Variants in SLC22A23 observed in about 807,000 individuals in gnomAD.
The protein encoded by SLC22A23 is ion transporter protein.
In SLC22A23, 26 loss-of-function variants were observed where a neutral mutation model predicts 61.0. That is an observed-to-expected ratio of 0.43 (90% CI 0.31 to 0.59). The LOEUF (loss-of-function observed/expected upper bound fraction) is 0.59. Among genes scored for constraint, SLC22A23 ranks in the 20% least tolerant of loss-of-function variants. SLC22A23 has a pLI of 0.11. For synonymous variants in SLC22A23, 430 were observed against 413.9 expected (o/e 1.04, Z -0.47); for missense variants, 796 against 934.7 (o/e 0.85, Z 1.94).
Position 3,456,247 on chromosome 6 carries a change from T to G in SLC22A23, c.313A>C (p.Ile105Leu), listed in dbSNP as rs1471970071. 1 of 1,551,172 alleles carries G rather than the reference T, an allele frequency of 6.4e-7. No individual in the cohort carries two copies. The highest frequency in any genetic ancestry group is 1.2e-5 in the South Asian group (1 of 84,040). The change falls in exon 1 of 10, where the codon ATC (isoleucine) becomes CTC (leucine). Residue 105 changes from isoleucine (I) to leucine (L), a missense_variant. Coordinates refer to ENST00000406686, the MANE Select transcript of SLC22A23 (RefSeq NM_015482.2). This position sits in a 1 kb window ranked among gnomAD's most constrained non-coding sequence, Gnocchi z 7.1. The part of the protein sequence containing the change: ...YQKTLVLLTW[I>L]PALFIGFSQF... Reference sequence around the variant, plus strand: ...CTGAAGCCGATGAACAGCGCCGGGATCCAGGTGAGCAGCACGAGGGTCTTC... The same window carrying G: ...CTGAAGCCGATGAACAGCGCCGGGAGCCAGGTGAGCAGCACGAGGGTCTTC...
chr6:3,345,271 C>T (rs1025138153), intron 3 of SLC22A23, among the ~76,000 whole-genome samples: 3 of 152,008 alleles, frequency 2.0e-5, no homozygotes, highest in African/African-American at 7.3e-5. Flanking sequence ...TTTATATAGT[C>T]CATCTCCAGT....
rs572251925 is a variant in SLC22A23 at position 3,348,089 on chromosome 6, C to T, written c.914-24087G>A. On this transcript the variant is annotated intron_variant, in intron 3 of 9. Transcript: ENST00000406686. ...TCCCAGCTGTGGGGGACACACTTAT[C>T]TAGTTACCTGCATGCTGTGTGTCTC... 4.4e-3 allele frequency among the ~76,000 whole-genome samples: 667 copies of T among 152,366 alleles called. 6 individuals are homozygous for T. The highest frequency in any genetic ancestry group is 0.015 in the African/African-American group (636 of 41,580).
chr6:3,281,241 C>T (rs549772669), intron 9 of SLC22A23, among the ~76,000 whole-genome samples: 10 of 152,364 alleles, frequency 6.6e-5, no homozygotes, highest in African/African-American at 2.4e-4. Context: ...ACCCAACTCC[C>T]AATGTCTTAC....
At position 3,285,222 on chromosome 6, in the gene SLC22A23, G is replaced by A. The variant is rs1003000542; in HGVS notation, c.1547-111C>T. On this transcript the variant is annotated intron_variant, in intron 7 of 9. Transcript: ENST00000406686. ...GCCTAGCGTGTTCCCATGCGACTTG[G>A]TTCAAGCAAACTCCCTTCCGTGTCT... 4 of 1,464,972 alleles carry A rather than the reference G, an allele frequency of 2.7e-6. No individual in the cohort carries two copies. In the South Asian group the frequency reaches 3.7e-5, roughly 14 times the overall value. The allele number at this position is 1,464,972 out of a possible 1,614,324, so 90.7% of individuals were successfully genotyped here.
At chr6:3,389,970 C>T (rs2127485570) in intron 3 of SLC22A23, among the ~76,000 whole-genome samples, 1 of 152,338 alleles carries the variant, frequency 6.6e-6, no homozygotes, top group South Asian at 2.1e-4. Context: ...AAAAATAAGA[C>T]TCAGCCAGTC....
Position 3,286,905 on chromosome 6 carries a change from C to A in SLC22A23, c.1500G>T (p.Met500Ile), listed in dbSNP as rs1167276186. The change falls in exon 7 of 10, where the codon ATG (methionine) becomes ATT (isoleucine). Residue 500 changes from methionine to isoleucine, a missense_variant. Met to Ile is a conservative substitution (Grantham distance 10). Transcript: ENST00000406686. The surrounding 1 kb of genome is among the most constrained non-coding windows in gnomAD (Gnocchi z 4.2). ...LGRRGGLLLF[M>I]ILTALASLLQ... ...GGAGTGAGGCCAGGGCGGTGAGGATCATGAAGAGCAGCAGCCCTCCCCTGC... is the reference window on the plus strand; with the variant it reads ...GGAGTGAGGCCAGGGCGGTGAGGATAATGAAGAGCAGCAGCCCTCCCCTGC... The A allele has an allele frequency of 1.9e-6, 3 of 1,612,730 alleles. No homozygotes were observed. Among genetic ancestry groups the A allele is most frequent in the African/African-American group, 1.3e-5 (1 of 74,936 alleles).
At chr6:3,306,890 C>G (rs1437230209) in intron 4 of SLC22A23, among the ~76,000 whole-genome samples, 1 of 152,236 alleles carries the variant, frequency 6.6e-6, no homozygotes, top group African/African-American at 2.4e-5. Flanking sequence ...CAGGAAGGAG[C>G]AGGCAGAGGT....
Position 3,442,323 on chromosome 6 carries a change from G to A in SLC22A23, c.654+13583C>T, listed in dbSNP as rs975635573. Among the ~76,000 whole-genome samples the A allele has an allele frequency of 2.8e-4, 43 of 152,174 alleles. 2 individuals carry two copies. On this transcript the variant is annotated intron_variant, in intron 1 of 9. Coordinates refer to ENST00000406686, the MANE Select transcript of SLC22A23 (RefSeq NM_015482.2). ...CAGTTTGGGAAGATGGAATTGTTCTGGAGATGGATGATGGTGCCAGCTGCA... is the reference window on the plus strand; with the variant it reads ...CAGTTTGGGAAGATGGAATTGTTCTAGAGATGGATGATGGTGCCAGCTGCA...
chr6:3,402,318 C>A (rs1193058933), intron 3 of SLC22A23, among the ~76,000 whole-genome samples: 1 of 152,214 alleles, frequency 6.6e-6, no homozygotes. Context: ...CAATTGAGAT[C>A]CTTCAGTGGC....
Position 3,323,617 on chromosome 6 carries a change from T to G in SLC22A23, c.1082+217A>C, listed in dbSNP as rs73354740. 3.2e-3 allele frequency: 1,997 copies of G among 625,382 alleles called. 35 individuals are homozygous for G. In the African/African-American group the frequency reaches 0.034, roughly 11 times the overall value. 38.7% of individuals were successfully genotyped at this position (625,382 alleles called of 1,614,324 possible). ...AGATTTTTGGAGCTGGGTGATGGGC[T>G]CATTCCACTCTTCTATTTTTGTGTA... On this transcript the variant is annotated intron_variant, in intron 4 of 9. Transcript: ENST00000406686.
chr6:3,415,068 G>A (rs4452682), intron 2 of SLC22A23, among the ~76,000 whole-genome samples: 58,971 of 152,006 alleles, frequency 0.39, 11,656 homozygotes, highest in South Asian at 0.57. Flanking sequence ...TCTCCTATTC[G>A]GGGTGTTGTA....
rs1289278357 is a variant in SLC22A23 at position 3,328,973 on chromosome 6, G to C, written c.914-4971C>G. ...CCCGGCCAGCCTGGACCAGGTCCCA[G>C]CCTCACAGGGCACTGCCAAGCTCAA... On this transcript the variant is annotated intron_variant, in intron 3 of 9. Coordinates refer to ENST00000406686, the MANE Select transcript of SLC22A23 (RefSeq NM_015482.2). This position sits in a 1 kb window ranked among gnomAD's most constrained non-coding sequence, Gnocchi z 5.0. 6.6e-6 allele frequency among the ~76,000 whole-genome samples: 1 copy of C among 151,876 alleles called. No homozygotes were observed. Among genetic ancestry groups the C allele is most frequent in the Non-Finnish European group, 1.5e-5 (1 of 67,990 alleles).
chr6:3,284,845 T>C, intron 8 of SLC22A23: 3 of 1,473,498 alleles, frequency 2.0e-6, no homozygotes, highest in Non-Finnish European at 2.8e-6. Flanking sequence ...GGCGGGGGCA[T>C]GCGTGCCAAG....
chr6:3,335,827 C>T (rs934617574), intron 3 of SLC22A23, among the ~76,000 whole-genome samples: 6 of 152,148 alleles, frequency 3.9e-5, no homozygotes, highest in African/African-American at 1.2e-4. Context: ...TGGTGGCTCA[C>T]GCCTGTAATT....
intron 1 of SLC22A23, among the ~76,000 whole-genome samples, chr6:3,438,085 C>T (rs955118348): frequency 2.6e-5 from 4 of 152,182 alleles, no homozygotes; most frequent in African/African-American, 9.7e-5. Context: ...GAGAGTCAGA[C>T]ATGGGCCCCT....
intron 1 of SLC22A23, among the ~76,000 whole-genome samples, chr6:3,446,615 T>C (rs1771908055): frequency 6.6e-6 from 1 of 152,148 alleles, no homozygotes; most frequent in Admixed American, 6.5e-5. Flanking sequence ...GCCTCTGAGC[T>C]TCCAGTAGGA....
chr6:3,275,943 C>T (rs1758858414), intron 9 of SLC22A23, among the ~76,000 whole-genome samples: 1 of 152,240 alleles, frequency 6.6e-6, no homozygotes, highest in South Asian at 2.1e-4. Context: ...CACAGTGGCT[C>T]ATGCCCAAAG....
Position 3,279,086 on chromosome 6 carries a change from G to A in SLC22A23, c.1703+4766C>T, listed in dbSNP as rs551843209. Among the ~76,000 whole-genome samples, 109 of 152,296 alleles carry A rather than the reference G, an allele frequency of 7.2e-4. 1 individual carries two copies. The highest frequency in any genetic ancestry group is 1.2e-3 in the South Asian group (6 of 4,826). Reference sequence around the variant, plus strand: ...AAATAAAATGAAATATATTTAATTTGCAGATCATTAGAAAAATGTCTATGT... The same window carrying A: ...AAATAAAATGAAATATATTTAATTTACAGATCATTAGAAAAATGTCTATGT... On this transcript the variant is annotated intron_variant, in intron 9 of 9. Coordinates refer to ENST00000406686, the MANE Select transcript of SLC22A23 (RefSeq NM_015482.2).
chr6:3,293,768 T>A (rs7756837), intron 5 of SLC22A23, among the ~76,000 whole-genome samples: 1 of 152,052 alleles, frequency 6.6e-6, no homozygotes, highest in African/African-American at 2.4e-5. Flanking sequence ...TGGCCTGACA[T>A]ATCCACCCTC....
Sources: allele counts gnomAD v4.1 joint callset (sites outside exome capture counted in the v4.1 genomes callset), GRCh38; gene constraint gnomAD v4.1.1; non-coding constraint Gnocchi (gnomAD v3.1); transcripts MANE v1.5; gene names NCBI Gene and HGNC (gene_info 2026-07-23, HGNC 2026-07-21).